Variants in COL17A1 observed in about 807,000 individuals in gnomAD.
COL17A1 encodes collagen type XVII alpha 1 chain.
In COL17A1, 181 loss-of-function variants were observed where a neutral mutation model predicts 218.4. The ratio of observed to expected loss-of-function variants is 0.83; its 90% CI spans 0.73 to 0.94. COL17A1 has a LOEUF of 0.94. COL17A1 is among the 40% of genes least tolerant of loss of function. COL17A1 has a pLI of 0.00. For synonymous variants in COL17A1, 721 were observed against 731.0 expected, an observed-to-expected ratio of 0.99 and a Z score of 0.22; for missense variants, 1,924 against 1,945.9, an observed-to-expected ratio of 0.99 and a Z score of 0.21.
intron 13 of COL17A1, 152 bp from the exon 14 acceptor site, chr10:104,060,432 G>A: frequency 4.8e-6 from 6 of 1,242,580 alleles, no homozygotes; most frequent in Non-Finnish European, 5.6e-6. Flanking sequence ...GCTGACAGTG[G>A]TTACTATGAA....
chr10:104,050,115 C>G lies in COL17A1; in HGVS notation c.2138G>C (p.Gly713Ala). Residue 713 changes from glycine to alanine, a missense_variant, in exon 28 of 56, where the codon GGT becomes GCT. Physicochemically the swap from Gly to Ala is moderately conservative, Grantham distance 60 (BLOSUM62 0). Coordinates refer to ENST00000648076, the MANE Select transcript of COL17A1 (RefSeq NM_000494.4). ...MGPPGPKGDQGEKGPRGLTGE... is the reference protein window; with the variant it reads ...MGPPGPKGDQAEKGPRGLTGE... ...TGTGAGGCCTCGAGGTCCTTTCTCA[C>G]CCTGGTCACCTAAAGCAAACAAGGG... The G allele has an allele frequency of 1.2e-6, 2 of 1,614,134 alleles. No homozygotes were observed. The highest frequency in any genetic ancestry group is 1.7e-6 in the Non-Finnish European group (2 of 1,180,002).
In COL17A1 at chr10:104,072,059, GT is replaced by G; in HGVS notation, c.435del (p.Leu146CysfsTer28). The part of the protein sequence containing the change: ...SQTRESEIRV[R>X]LQSASPSTRW... ...CGGGTGGATGGGGACGCACTCTGCAGTCGAACTCGAATTTCACTCTCTGTAC... is the reference window on the plus strand; with the variant it reads ...CGGGTGGATGGGGACGCACTCTGCAGCGAACTCGAATTTCACTCTCTGTAC... On this transcript the variant is annotated frameshift_variant, in exon 8 of 56. Coordinates refer to ENST00000648076, the MANE Select transcript of COL17A1 (RefSeq NM_000494.4). LOFTEE classifies it high-confidence loss of function. 1 of 1,614,180 alleles carries G rather than the reference GT, an allele frequency of 6.2e-7. No individual in the cohort carries two copies. The highest frequency in any genetic ancestry group is 1.1e-5 in the South Asian group (1 of 91,080).
At chr10:104,051,176 GCT>G (rs1266724212) in intron 25 of COL17A1, among the ~76,000 whole-genome samples, 1 of 152,200 alleles carries the variant, frequency 6.6e-6, no homozygotes, top group Non-Finnish European at 1.5e-5. Flanking sequence ...AGCAGGACAA[GCT>G]CTGTGGCCAT....
chr10:104,055,037 G>A, intron 19 of COL17A1, 30 bp from the exon 20 acceptor site: 3 of 1,613,880 alleles, frequency 1.9e-6, no homozygotes, highest in Non-Finnish European at 1.7e-6. Context: ...AAAACTGTGA[G>A]ATGGGGCAAG....
intron 32 of COL17A1, among the ~76,000 whole-genome samples, chr10:104,046,352 A>G (rs1298148848): frequency 6.6e-6 from 1 of 152,216 alleles, no homozygotes; most frequent in Non-Finnish European, 1.5e-5. Context: ...AGGCTGTCCC[A>G]GAGAAACTGG....
chr10:104,069,442 C>G (rs78077482), intron 9 of COL17A1, among the ~76,000 whole-genome samples: 2,506 of 152,286 alleles, frequency 0.016, 71 homozygotes, highest in African/African-American at 0.058. Flanking sequence ...CATCCCCCTT[C>G]CTCTGGAAAA....
intron 32 of COL17A1, among the ~76,000 whole-genome samples, chr10:104,046,300 TG>T (rs1437123027): frequency 3.9e-5 from 6 of 152,178 alleles, no homozygotes; most frequent in African/African-American, 1.4e-4. Context: ...TGTAGTGATA[TG>T]GGGGCACAAT....
chr10:104,060,587 AG>A (rs998533898), intron 13 of COL17A1, among the ~76,000 whole-genome samples: 6 of 152,156 alleles, frequency 3.9e-5, no homozygotes, highest in African/African-American at 1.4e-4. Context: ...AATGGGTAAA[AG>A]TCCCCCAGTC....
intron 48 of COL17A1, among the ~76,000 whole-genome samples, chr10:104,035,917 T>TGC (rs397952779): frequency 1.0e-5 from 1 of 97,126 alleles, no homozygotes; most frequent in African/African-American, 4.8e-5. Flanking sequence ...TGGGAGTGTG[T>TGC]ATGAGTGTGT....
rs750275020 is a variant in COL17A1 at position 104,070,533 on chromosome 10, C to T, written c.500G>A (p.Gly167Glu). 1.9e-6 allele frequency: 3 copies of T among 1,614,088 alleles called. No homozygotes were observed. The highest frequency in any genetic ancestry group is 1.1e-5 in the South Asian group (1 of 91,076). ...GGGGCTCACACTTGCCGATCGACTC[C>T]CCTTGAGCAAACGCTTAACATCATC... ...ELDDVKRLLKGSRSASVSPTR... is the reference protein window; with the variant it reads ...ELDDVKRLLKESRSASVSPTR... Residue 167 changes from glycine (G) to glutamate (E), a missense_variant, in exon 9 of 56, where the codon GGG (glycine) becomes GAG (glutamate). Gly to Glu is a moderately conservative substitution (Grantham distance 98). Coordinates refer to ENST00000648076, the MANE Select transcript of COL17A1 (RefSeq NM_000494.4).
rs143313561 is a variant in COL17A1, at chr10:104,063,934, T to A, written c.767-116A>T. On this transcript the variant is annotated intron_variant, in intron 10 of 55. Coordinates refer to ENST00000648076, the MANE Select transcript of COL17A1 (RefSeq NM_000494.4). Reference sequence around the variant, plus strand: ...CCAGGATTGGGTTTTTATATTTTGGTAAATTTTTGTTTTTAGGAAAAACAG... The same window carrying A: ...CCAGGATTGGGTTTTTATATTTTGGAAAATTTTTGTTTTTAGGAAAAACAG... 387 of 1,480,972 alleles carry A rather than the reference T, an allele frequency of 2.6e-4. 3 individuals are homozygous for A. The highest frequency in any genetic ancestry group is 7.8e-4 in the East Asian group (32 of 40,896). The allele number at this position is 1,480,972 out of a possible 1,614,324, so 91.7% of individuals were successfully genotyped here.
At position 104,079,491 on chromosome 10, in the gene COL17A1, TCAGCTGTGCCGCTGA is replaced by T. The variant is rs563251550; in HGVS notation, c.53-920_53-906del. ...GGTGCAGGATCATTTTGTGCTACTT[TCAGCTGTGCCGCTGA>T]CACCTGCTCCATCCCACATGACTCT... On this transcript the variant is annotated intron_variant, in intron 2 of 55. Transcript: ENST00000648076. 1.6e-3 allele frequency among the ~76,000 whole-genome samples: 242 copies of T among 152,276 alleles called. 2 individuals carry two copies. Among genetic ancestry groups the T allele is most frequent in the Non-Finnish European group, 2.1e-3 (145 of 68,018 alleles).
intron 39 of COL17A1, among the ~76,000 whole-genome samples, chr10:104,040,747 T>G (rs1589559747): frequency 1.3e-5 from 2 of 152,138 alleles, no homozygotes; most frequent in East Asian, 3.9e-4. Context: ...GGTCGGCACT[T>G]ACTTCACGCG....
chr10:104,051,641 G>A (rs1229785219), intron 24 of COL17A1, 125 bp from the exon 25 acceptor site: 1 of 1,223,834 alleles, frequency 8.2e-7, no homozygotes, highest in East Asian at 2.4e-5. Flanking sequence ...TGAGTGTATT[G>A]CAGGCCAGGG....
chr10:104,041,399 C>T (rs1268654887), intron 37 of COL17A1, 55 bp from the exon 38 acceptor site: 2 of 1,603,290 alleles, frequency 1.2e-6, no homozygotes. Context: ...TGATGCCACC[C>T]CTGAGGATCT....
rs766386228 is a variant in COL17A1 at position 104,037,782 on chromosome 10, C to G, written c.3071-9G>C. 16 of 1,613,418 alleles carry G rather than the reference C, an allele frequency of 9.9e-6. 1 individual carries two copies. In the South Asian group the frequency reaches 1.6e-4, roughly 17 times the overall value. Reference sequence around the variant, plus strand: ...AGATCTAATACTGTCACCTGCCGACCAAGGAACAAAGCAAAGTCAAGCCTG... The same window carrying G: ...AGATCTAATACTGTCACCTGCCGACGAAGGAACAAAGCAAAGTCAAGCCTG... On this transcript the variant is annotated splice_polypyrimidine_tract_variant and intron_variant, in intron 45 of 55. Coordinates refer to ENST00000648076, the MANE Select transcript of COL17A1 (RefSeq NM_000494.4).
chr10:104,046,412 A>C (rs1001977004), intron 32 of COL17A1, among the ~76,000 whole-genome samples: 1 of 151,916 alleles, frequency 6.6e-6, no homozygotes, highest in African/African-American at 2.4e-5. Context: ...CCAGTGGGGG[A>C]ACTTGGGCCT....
At chr10:104,078,970 T>C (rs151080598) in intron 2 of COL17A1, among the ~76,000 whole-genome samples, 3 of 152,316 alleles carry the variant, frequency 2.0e-5, no homozygotes, top group African/African-American at 7.2e-5. Flanking sequence ...TCCTTCCCCA[T>C]GGTCTCTCAG....
intron 47 of COL17A1, 133 bp from the exon 48 acceptor site, chr10:104,036,765 C>CCAG: frequency 1.7e-6 from 2 of 1,153,638 alleles, no homozygotes; most frequent in Non-Finnish European, 2.5e-6. Context: ...TCCGCAGGAC[C>CCAG]ACGGTGTTCA....
Sources: gnomAD v4.1 joint callset for allele counts (sites outside exome capture counted in the v4.1 genomes callset) on GRCh38, gnomAD v4.1.1 for gene constraint, MANE v1.5 for transcripts, NCBI Gene and HGNC (gene_info 2026-07-23, HGNC 2026-07-21) for gene names.